PCDHGA5: variants seen among roughly 807,000 people sequenced by gnomAD.
PCDHGA5 encodes protocadherin gamma subfamily A, 5.
A neutral mutation model predicts 56.7 loss-of-function variants in PCDHGA5; 36 were observed. That is an observed-to-expected ratio of 0.64 (90% CI 0.49 to 0.84). The LOEUF (loss-of-function observed/expected upper bound fraction) is 0.84. Ranked by LOEUF, PCDHGA5 falls within the 40% of genes least tolerant of loss-of-function variation. The pLI is 0.00. For synonymous variants in PCDHGA5, 563 were observed against 520.2 expected (o/e 1.08, Z -1.12); for missense variants, 1,305 against 1,201.5 (o/e 1.09, Z -1.27).
At chr5:141,389,572 C>T in intron 1 of PCDHGA5, 3 of 1,613,282 alleles carry the variant, frequency 1.9e-6, no homozygotes, top group Non-Finnish European at 2.5e-6. Flanking sequence ...GTGCTGTACC[C>T]CGCGCTGGGT....
chr5:141,494,323 A>T (rs1188768690), intron 1 of PCDHGA5, among the ~76,000 whole-genome samples: 1 of 152,210 alleles, frequency 6.6e-6, no homozygotes, highest in Non-Finnish European at 1.5e-5. Flanking sequence ...CCTGGCACCA[A>T]AAGGGTTACC....
At chr5:141,482,089 CAA>C (rs36035257) in intron 1 of PCDHGA5, among the ~76,000 whole-genome samples, 9,071 of 134,384 alleles carry the variant, frequency 0.068, 318 homozygotes, top group South Asian at 0.13. Context: ...CACTCCATCT[CAA>C]AAAAAAAAAA....
intron 1 of PCDHGA5, chr5:141,390,147 G>C: frequency 6.2e-7 from 1 of 1,614,034 alleles, no homozygotes; most frequent in Non-Finnish European, 8.5e-7. Flanking sequence ...TCTATGTGTT[G>C]CACATACAGG....
intron 1 of PCDHGA5, among the ~76,000 whole-genome samples, chr5:141,401,282 C>G (rs963741934): frequency 4.0e-5 from 6 of 151,884 alleles, no homozygotes; most frequent in African/African-American, 1.5e-4. Context: ...GTGGAGGTTG[C>G]GGTGAGCCGA....
At chr5:141,508,642 T>A (rs893357826) in intron 3 of PCDHGA5, among the ~76,000 whole-genome samples, 13 of 152,070 alleles carry the variant, frequency 8.5e-5, no homozygotes, top group Admixed American at 2.6e-4. Flanking sequence ...AGCTACTCCG[T>A]CAGGCCCTTC....
At chr5:141,506,053 T>C (rs1486313858) in intron 3 of PCDHGA5, among the ~76,000 whole-genome samples, 1 of 152,126 alleles carries the variant, frequency 6.6e-6, no homozygotes, top group Non-Finnish European at 1.5e-5. Context: ...TCCCATAAGG[T>C]TGACTAAGGG....
chr5:141,432,476 A>G lies in PCDHGA5; in HGVS notation c.2422-62331A>G. 1 of 1,614,080 alleles carries G rather than the reference A, an allele frequency of 6.2e-7. No homozygotes were observed. Among genetic ancestry groups the G allele is most frequent in the East Asian group, 2.2e-5 (1 of 44,874 alleles). ...CCCCGCCCTCCCCACGGACGGTTCCACTGGCGTGGAGCTGGCTCCCCGCTC... is the reference window on the plus strand; with the variant it reads ...CCCCGCCCTCCCCACGGACGGTTCCGCTGGCGTGGAGCTGGCTCCCCGCTC... On this transcript the variant is annotated intron_variant, in intron 1 of 3. Transcript: ENST00000518069. The surrounding 1 kb of genome is among the most constrained non-coding windows in gnomAD (Gnocchi z 6.0).
chr5:141,375,770 C>T, intron 1 of PCDHGA5: 1 of 1,614,268 alleles, frequency 6.2e-7, no homozygotes, highest in East Asian at 2.2e-5. Flanking sequence ...GCCCGAGATC[C>T]TGTACCCCGC....
At chr5:141,459,763 G>A (rs1243169814) in intron 1 of PCDHGA5, among the ~76,000 whole-genome samples, 1 of 152,206 alleles carries the variant, frequency 6.6e-6, no homozygotes, top group South Asian at 2.1e-4. Context: ...GTGGGTGTGT[G>A]ATACTATCTC....
chr5:141,376,156 G>C, intron 1 of PCDHGA5: 2 of 1,614,074 alleles, frequency 1.2e-6, no homozygotes, highest in South Asian at 1.1e-5. Context: ...ACCTCACTCT[G>C]TACCTGGTGG....
intron 1 of PCDHGA5, chr5:141,420,939 C>A: frequency 2.6e-6 from 1 of 387,512 alleles, no homozygotes; most frequent in South Asian, 5.2e-5. Context: ...GTAATCATTT[C>A]TTCTGGAATT....
intron 1 of PCDHGA5, chr5:141,430,735 A>T (rs1255723102): frequency 6.7e-7 from 1 of 1,497,964 alleles, no homozygotes; most frequent in Non-Finnish European, 8.9e-7. Context: ...GGCAGAATTG[A>T]AAATAATTCT....
chr5:141,503,608 A>G (rs1451651299), intron 2 of PCDHGA5, among the ~76,000 whole-genome samples: 3 of 151,994 alleles, frequency 2.0e-5, no homozygotes, highest in South Asian at 2.1e-4. Flanking sequence ...CAAAAAAAAA[A>G]AAAAAAGAAA....
intron 1 of PCDHGA5, chr5:141,384,198 C>T (rs539882096): frequency 6.2e-7 from 1 of 1,613,734 alleles, no homozygotes; most frequent in Non-Finnish European, 8.5e-7. Context: ...CTCCCTTGTC[C>T]AGGGAAACTC....
intron 1 of PCDHGA5, chr5:141,385,306 A>T (rs1479708640): frequency 8.7e-6 from 14 of 1,612,618 alleles, no homozygotes; most frequent in Non-Finnish European, 1.2e-5. Context: ...ATGTAAAGAA[A>T]ACCTGCCAAG....
chr5:141,394,946 T>A (rs759854662), intron 1 of PCDHGA5: 1 of 1,613,768 alleles, frequency 6.2e-7, no homozygotes, highest in East Asian at 2.2e-5. Flanking sequence ...TCGCTGTGCT[T>A]CTGGGGCTCA....
intron 1 of PCDHGA5, chr5:141,374,427 A>C: frequency 6.2e-7 from 1 of 1,613,980 alleles, no homozygotes; most frequent in Non-Finnish European, 8.5e-7. Flanking sequence ...GATAAACTGA[A>C]TCTTTATCCC....
chr5:141,511,695 C>T lies in PCDHGA5; in HGVS notation c.*522C>T, dbSNP rs1009832192. 1 of 195,662 alleles carries T rather than the reference C, an allele frequency of 5.1e-6. No individual in the cohort carries two copies. Among genetic ancestry groups the T allele is most frequent in the Non-Finnish European group, 1.1e-5 (1 of 92,626 alleles). The allele number at this position is 195,662 out of a possible 1,614,324, so 12.1% of individuals were successfully genotyped here. On this transcript the variant is annotated 3_prime_UTR_variant, in exon 4 of 4. Coordinates refer to ENST00000518069, the MANE Select transcript of PCDHGA5 (RefSeq NM_018918.3). ...CTTCCCCCAAAGCATGGTTTGGTGC[C>T]AGCCCCTTCACCTCCTTCCAGAGCC...
chr5:141,394,633 G>T, intron 1 of PCDHGA5: 2 of 1,613,390 alleles, frequency 1.2e-6, no homozygotes, highest in Non-Finnish European at 1.7e-6. Context: ...CTGTCCTACC[G>T]CCTGCTCAAG....
Sources: allele counts gnomAD v4.1 joint callset (sites outside exome capture counted in the v4.1 genomes callset), GRCh38; gene constraint gnomAD v4.1.1; non-coding constraint Gnocchi (gnomAD v3.1); transcripts MANE v1.5; gene names NCBI Gene and HGNC (gene_info 2026-07-23, HGNC 2026-07-21).